FKBP6: variants seen among roughly 807,000 people sequenced by gnomAD.
FKBP6 encodes the protein inactive peptidyl-prolyl cis-trans isomerase FKBP6.
A neutral mutation model predicts 41.7 loss-of-function variants in FKBP6; 29 were observed. The observed-to-expected ratio is 0.70, with a 90% CI of 0.52 to 0.95. The LOEUF (loss-of-function observed/expected upper bound fraction) is 0.95. Ranked by LOEUF, FKBP6 falls within the 40% of genes least tolerant of loss-of-function variation. The pLI, the probability that FKBP6 is intolerant of heterozygous loss-of-function variation, is 0.00. For missense variants in FKBP6, 338 were observed against 408.7 expected (o/e 0.83, Z 1.49); for synonymous variants, 130 against 165.1 (o/e 0.79, Z 1.63).
At chr7:73,332,751 A>C (rs1216595633) in intron 5 of FKBP6, among the ~76,000 whole-genome samples, 2 of 152,192 alleles carry the variant, frequency 1.3e-5, no homozygotes, top group African/African-American at 2.4e-5. Flanking sequence ...GCTCTAAAAC[A>C]ATTCAGTTTA....
chr7:73,347,768 C>T (rs2115938665), intron 8 of FKBP6, among the ~76,000 whole-genome samples: 1 of 152,318 alleles, frequency 6.6e-6, no homozygotes, highest in South Asian at 2.1e-4. Flanking sequence ...CCCCAGCCTC[C>T]TGAGCAGCTG....
chr7:73,328,961 A>G lies in FKBP6; in HGVS notation c.175+269A>G, dbSNP rs543376453. Among the ~76,000 whole-genome samples, 4 of 152,086 alleles carry G rather than the reference A, an allele frequency of 2.6e-5. No individual in the cohort carries two copies. The South Asian group carries it at 6.2e-4, about 24-fold the overall frequency. On this transcript the variant is annotated intron_variant, in intron 2 of 8. Transcript: ENST00000252037. ...AAGGGATTTACAGGCGCGATCCACC[A>G]TGCCCGGCTAATTTTTAATATTTTT...
intron 4 of FKBP6, 80 bp from the exon 5 acceptor site, chr7:73,331,577 G>C: frequency 6.1e-6 from 9 of 1,481,954 alleles, no homozygotes; most frequent in Non-Finnish European, 7.5e-6. Flanking sequence ...CGAACTCCTG[G>C]GCTCACGTGT....
chr7:73,349,791 G>T (rs183636302), intron 8 of FKBP6, among the ~76,000 whole-genome samples: 3 of 150,420 alleles, frequency 2.0e-5, no homozygotes, highest in Non-Finnish European at 4.4e-5. Context: ...GAAGGGATGC[G>T]CCAGCACCCA....
chr7:73,340,810 A>G lies in FKBP6; in HGVS notation c.761A>G (p.Lys254Arg). The G allele has an allele frequency of 6.2e-7, 1 of 1,614,078 alleles. No homozygotes were observed. Among genetic ancestry groups the G allele is most frequent in the Non-Finnish European group, 8.5e-7 (1 of 1,179,994 alleles). Residue 254 changes from lysine (K) to arginine (R), a missense_variant, in exon 6 of 9, where the codon AAG (lysine) becomes AGG (arginine). By Grantham distance (26) the Lys-to-Arg change is conservative. Coordinates refer to ENST00000252037, the MANE Select transcript of FKBP6 (RefSeq NM_003602.5). ...TTGATCATTGACCAAAAGAATGCCA[A>G]GGCCCTCTTCAGGTGTGGACAGGTG... ...QALIIDQKNA[K>R]ALFRCGQACL... is the part of the protein sequence containing the mutation.
At chr7:73,355,600 T>A (rs1171249683) in intron 8 of FKBP6, among the ~76,000 whole-genome samples, 11 of 151,954 alleles carry the variant, frequency 7.2e-5, no homozygotes, top group African/African-American at 2.7e-4. Flanking sequence ...CACTTGATTA[T>A]TATTAAACTT....
chr7:73,341,213 C>T (rs1370274171), intron 6 of FKBP6, 60 bp from the exon 7 acceptor site: 19 of 1,203,968 alleles, frequency 1.6e-5, no homozygotes, highest in African/African-American at 3.0e-5. Context: ...CATGAGCCAC[C>T]GTGCCCAGCC....
At chr7:73,352,042 G>A (rs1554551185) in intron 8 of FKBP6, among the ~76,000 whole-genome samples, 1 of 152,190 alleles carries the variant, frequency 6.6e-6, no homozygotes, top group East Asian at 1.9e-4. Flanking sequence ...TGCAGTTATA[G>A]CTCACTGCAG....
intron 8 of FKBP6, among the ~76,000 whole-genome samples, chr7:73,346,970 C>G (rs1554550368): frequency 6.6e-6 from 1 of 152,048 alleles, no homozygotes; most frequent in African/African-American, 2.4e-5. Flanking sequence ...AGGGCTGGTC[C>G]CCATGTACCA....
intron 8 of FKBP6, among the ~76,000 whole-genome samples, chr7:73,346,653 T>G (rs1487999566): frequency 6.6e-6 from 1 of 152,056 alleles, no homozygotes; most frequent in Non-Finnish European, 1.5e-5. Flanking sequence ...GGGACACATT[T>G]AAAGTGGCAG....
At chr7:73,339,351 T>A (rs1805103848) in intron 5 of FKBP6, among the ~76,000 whole-genome samples, 1 of 152,216 alleles carries the variant, frequency 6.6e-6, no homozygotes, top group South Asian at 2.1e-4. Flanking sequence ...CATTGAATGG[T>A]CTGGACACCC....
Position 73,342,859 on chromosome 7 carries a change from G to A in FKBP6, c.946G>A (p.Ala316Thr), listed in dbSNP as rs782071022. 9.9e-6 allele frequency: 16 copies of A among 1,613,868 alleles called. No homozygotes were observed. The highest frequency in any genetic ancestry group is 2.2e-5 in the South Asian group (2 of 91,088). ...GAAAGAAATGTGGCACCGCATGTTC[G>A]CGCCCTGTGGCGATGGTTCTACAGC... Reference protein sequence around the residue: ...KEKEMWHRMFAPCGDGSTAGE... With the variant: ...KEKEMWHRMFTPCGDGSTAGE... The change falls in exon 8 of 9, where the codon GCG becomes ACG. Residue 316 changes from alanine (A) to threonine (T), a missense_variant. Physicochemically the swap from Ala to Thr is moderately conservative, Grantham distance 58. Around this residue, in one of 2 missense-constraint regions of FKBP6, gnomAD observed 239 missense variants for 250.1 expected, o/e 0.96. Coordinates refer to ENST00000252037, the MANE Select transcript of FKBP6 (RefSeq NM_003602.5).
chr7:73,330,522 T>TTAGTAATGG (rs1420603171), intron 4 of FKBP6, among the ~76,000 whole-genome samples, 170 bp downstream of exon 4: 4 of 152,186 alleles, frequency 2.6e-5, no homozygotes, highest in Admixed American at 1.3e-4. Context: ...TGTGTTTGTC[T>TTAGTAATGG]TAGTAATGGC....
intron 5 of FKBP6, among the ~76,000 whole-genome samples, chr7:73,332,340 G>A (rs1326494968): frequency 2.0e-5 from 3 of 151,848 alleles, no homozygotes; most frequent in Non-Finnish European, 2.9e-5. Flanking sequence ...AAAATTAGCC[G>A]GGCGTGGTGG....
chr7:73,349,777 G>A (rs565568621), intron 8 of FKBP6, among the ~76,000 whole-genome samples: 35 of 151,538 alleles, frequency 2.3e-4, no homozygotes, highest in Non-Finnish European at 4.7e-4. Context: ...GGCATGGTGT[G>A]AGGGAAGGGA....
At chr7:73,333,271 C>CA (rs201812607) in intron 5 of FKBP6, among the ~76,000 whole-genome samples, 383 of 114,308 alleles carry the variant, frequency 3.4e-3, no homozygotes, top group Middle Eastern at 9.2e-3. Flanking sequence ...ATTCTGTCTC[C>CA]AAAAAAAAAA....
intron 4 of FKBP6, 85 bp downstream of exon 4, chr7:73,330,437 T>G: frequency 9.3e-7 from 1 of 1,080,612 alleles, no homozygotes; most frequent in South Asian, 1.3e-5. Context: ...TGGCCTGCCC[T>G]GAGGCTGATC....
At chr7:73,355,997 C>T (rs1805620423) in intron 8 of FKBP6, among the ~76,000 whole-genome samples, 1 of 133,360 alleles carries the variant, frequency 7.5e-6, no homozygotes, top group African/African-American at 2.8e-5. Flanking sequence ...ACCCGGGAGG[C>T]GGAGCTTGCA....
chr7:73,343,030 GAAC>G, intron 8 of FKBP6, 131 bp downstream of exon 8: 1 of 739,004 alleles, frequency 1.4e-6, no homozygotes, highest in Non-Finnish European at 2.5e-6. Flanking sequence ...TTGCTGTAAA[GAAC>G]AACACAACGG....
Sources: gnomAD v4.1 joint callset for allele counts (sites outside exome capture counted in the v4.1 genomes callset) on GRCh38, gnomAD v4.1.1 for gene constraint, gnomAD v4.1.1 regional missense constraint, MANE v1.5 for transcripts, NCBI Gene and HGNC (gene_info 2026-07-23, HGNC 2026-07-21) for gene names.